Variants in TRARG1 observed in about 807,000 individuals in gnomAD.
TRARG1 encodes trafficking regulator of GLUT4 1.
A neutral mutation model predicts 13.3 loss-of-function variants in TRARG1; 16 were observed. That is an observed-to-expected ratio of 1.20 (90% CI 0.81 to 1.83). TRARG1 has a LOEUF of 1.83. TRARG1 is among the 40% of genes most tolerant of loss of function. The pLI, the probability that TRARG1 is intolerant of heterozygous loss-of-function variation, is 0.00. For synonymous variants in TRARG1, 113 were observed against 106.2 expected (o/e 1.06, Z -0.39); for missense variants, 250 against 237.4 (o/e 1.05, Z -0.35).
At chr17:1,291,803 A>G (rs2072071306) in intron 1 of TRARG1, among the ~76,000 whole-genome samples, 1 of 152,176 alleles carries the variant, frequency 6.6e-6, no homozygotes. Context: ...ATTTGGACAT[A>G]TGGTGCTTTG....
At chr17:1,286,176 G>A (rs1360389155) in intron 1 of TRARG1, among the ~76,000 whole-genome samples, 3 of 152,236 alleles carry the variant, frequency 2.0e-5, no homozygotes, top group Non-Finnish European at 4.4e-5. Flanking sequence ...AGAGGGAAGG[G>A]GCTGGCTCAC....
At position 1,296,771 on chromosome 17, in the gene TRARG1, A is replaced by AT. The variant is rs576675294; in HGVS notation, c.520+1148_520+1149insT. Among the ~76,000 whole-genome samples, 35 of 151,670 alleles carry AT rather than the reference A, an allele frequency of 2.3e-4. 2 individuals carry two copies. In the East Asian group the frequency reaches 6.8e-3, roughly 30 times the overall value. Reference sequence around the variant, plus strand: ...GGTGATCCTCCCGCCTCAGCCTCCCAAAGTGCTGGGATTACAGGCGCCTGC... The same window carrying AT: ...GGTGATCCTCCCGCCTCAGCCTCCCATAAGTGCTGGGATTACAGGCGCCTGC... On this transcript the variant is annotated intron_variant, in intron 2 of 2. Coordinates refer to ENST00000333813, the MANE Select transcript of TRARG1 (RefSeq NM_172367.3).
At position 1,280,642 on chromosome 17, in the gene TRARG1, G is replaced by A. The variant is rs564118853; in HGVS notation, c.387+254G>A. On this transcript the variant is annotated intron_variant, in intron 1 of 2. Transcript: ENST00000333813. ...GCTCGACTTTGCACCTGTGTCTGCT[G>A]GGGAGGGGCCCTCAGGGAGCTGCCT... 2.0e-5 allele frequency among the ~76,000 whole-genome samples: 3 copies of A among 152,300 alleles called. No homozygotes were observed. The South Asian group carries it at 6.2e-4, about 32-fold the overall frequency.
At chr17:1,282,228 A>ATATGTACGTG (rs1567928195) in intron 1 of TRARG1, among the ~76,000 whole-genome samples, 4 of 140,884 alleles carry the variant, frequency 2.8e-5, no homozygotes, top group East Asian at 2.1e-4. Flanking sequence ...ACACGTGCGT[A>ATATGTACGTG]TATGTACGTA....
Position 1,298,511 on chromosome 17 carries a change from C to A in TRARG1, c.*247C>A. The A allele has an allele frequency of 2.2e-6, 1 of 450,558 alleles. No individual in the cohort carries two copies. Among genetic ancestry groups the A allele is most frequent in the South Asian group, 5.3e-5 (1 of 18,808 alleles). The allele number at this position is 450,558 out of a possible 1,614,324, so 27.9% of individuals were successfully genotyped here. A position where few individuals can be genotyped will look rare whatever the true frequency, so the allele number is the denominator to read the frequency against. On this transcript the variant is annotated 3_prime_UTR_variant, in exon 3 of 3. Coordinates refer to ENST00000333813, the MANE Select transcript of TRARG1 (RefSeq NM_172367.3). Reference sequence around the variant, plus strand: ...CGTGGTTTACTCTCCCGGACGCGTCCTGGGATCTCAACCCCAGCAGTCTGG... The same window carrying A: ...CGTGGTTTACTCTCCCGGACGCGTCATGGGATCTCAACCCCAGCAGTCTGG...
intron 1 of TRARG1, among the ~76,000 whole-genome samples, chr17:1,282,999 G>T (rs555328459): frequency 6.6e-6 from 1 of 152,080 alleles, no homozygotes; most frequent in Non-Finnish European, 1.5e-5. Flanking sequence ...CCCCTTTTAC[G>T]TTTTTGAGTC....
chr17:1,281,984 ATG>A (rs149686556), intron 1 of TRARG1, among the ~76,000 whole-genome samples: 14,364 of 151,772 alleles, frequency 0.095, 731 homozygotes, highest in East Asian at 0.19. Context: ...GTGTACATAT[ATG>A]TACATATATA....
At chr17:1,290,038 C>A (rs1295363626) in intron 1 of TRARG1, among the ~76,000 whole-genome samples, 1 of 152,156 alleles carries the variant, frequency 6.6e-6, no homozygotes, top group Non-Finnish European at 1.5e-5. Flanking sequence ...TCCTGTTCCT[C>A]CCCCATACTC....
At chr17:1,283,983 T>C (rs1277959410) in intron 1 of TRARG1, among the ~76,000 whole-genome samples, 1 of 150,516 alleles carries the variant, frequency 6.6e-6, no homozygotes, top group Non-Finnish European at 1.5e-5. Flanking sequence ...ATGGTGGCAG[T>C]GGGCGCCTGT....
Position 1,298,426 on chromosome 17 carries a change from C to A in TRARG1, c.*162C>A. ...AAACCCCCCAGTCACCCACTGTCAG[C>A]CCCCATCTGACAAGAAAGCCTGGAG... is the stretch of plus-strand genomic sequence containing the variant. On this transcript the variant is annotated 3_prime_UTR_variant, in exon 3 of 3. Transcript: ENST00000333813. 1 of 704,300 alleles carries A rather than the reference C, an allele frequency of 1.4e-6. No individual in the cohort carries two copies. Among genetic ancestry groups the A allele is most frequent in the Non-Finnish European group, 2.3e-6 (1 of 435,300 alleles). 43.6% of individuals were successfully genotyped at this position (704,300 alleles called of 1,614,324 possible). A position where few individuals can be genotyped will look rare whatever the true frequency, so the allele number is the denominator to read the frequency against.
In TRARG1 at chr17:1,279,807, C is replaced by A. The variant is rs965768023; in HGVS notation, c.-195C>A. The A allele has an allele frequency of 2.8e-5, 16 of 576,272 alleles. No individual in the cohort carries two copies. The highest frequency in any genetic ancestry group is 4.4e-5 in the Non-Finnish European group (15 of 343,930). The allele number at this position is 576,272 out of a possible 1,614,324, so 35.7% of individuals were successfully genotyped here. On this transcript the variant is annotated 5_prime_UTR_variant, in exon 1 of 3. Coordinates refer to ENST00000333813, the MANE Select transcript of TRARG1 (RefSeq NM_172367.3). ...AGCTCCGCGGGGGCAGCAGGCAGGC[C>A]CCAGCCTCTGAACTCAGCTGGCTTG... is the stretch of plus-strand genomic sequence containing the variant.
chr17:1,286,588 C>T (rs35316021), intron 1 of TRARG1, among the ~76,000 whole-genome samples: 15,771 of 89,466 alleles, frequency 0.18, 1,581 homozygotes, highest in African/African-American at 0.32. Flanking sequence ...GGGGTGTTAT[C>T]GGCCTGTGGG....
intron 1 of TRARG1, among the ~76,000 whole-genome samples, chr17:1,286,152 C>T (rs1047848557): frequency 6.6e-6 from 1 of 152,208 alleles, no homozygotes; most frequent in Non-Finnish European, 1.5e-5. Flanking sequence ...GGGCAGAGGC[C>T]GATGGAACTG....
rs370410748 is a variant in TRARG1, at chr17:1,295,543, G to A, written c.440G>A (p.Arg147His). 27 of 1,612,754 alleles carry A rather than the reference G, an allele frequency of 1.7e-5. No individual in the cohort carries two copies. Among genetic ancestry groups the A allele is most frequent in the South Asian group, 2.2e-5 (2 of 91,020 alleles). Residue 147 changes from arginine (R) to histidine (H), a missense_variant, in exon 2 of 3, where the codon CGC (arginine) becomes CAC (histidine). By Grantham distance (29) the Arg-to-His change is conservative. Coordinates refer to ENST00000333813, the MANE Select transcript of TRARG1 (RefSeq NM_172367.3). ...GNVDGARRLG[R>H]LARLLSITLI... ...GTGGACGGCGCCCGGAGGCTGGGCC[G>A]CCTGGCTCGGCTGCTCAGCATTACC...
At position 1,295,604 on chromosome 17, in the gene TRARG1, C is replaced by G; in HGVS notation, c.501C>G (p.Ala167=). The G allele has an allele frequency of 6.2e-7, 1 of 1,612,328 alleles. No homozygotes were observed. ...IIMGIVIIMV[A]VTVNFTVQKK ...TGGGCATCGTCATTATCATGGTGGC[C>G]GTGACCGTCAACTTCACAGGTGAGA... Residue 167 remains alanine (A), a synonymous_variant, in exon 2 of 3, where the codon GCC becomes GCG. Coordinates refer to ENST00000333813, the MANE Select transcript of TRARG1 (RefSeq NM_172367.3).
rs202202381 is a variant in TRARG1 at position 1,282,199 on chromosome 17, C to T, written c.387+1811C>T. 1.5e-3 allele frequency among the ~76,000 whole-genome samples: 209 copies of T among 144,090 alleles called. 10 individuals carry two copies. The East Asian group carries it at 0.015, about 10-fold the overall frequency. The allele number at this position is 144,090 out of a possible 152,430, so 94.5% of individuals were successfully genotyped here. A position where few individuals can be genotyped will look rare whatever the true frequency, so the allele number is the denominator to read the frequency against. Reference sequence around the variant, plus strand: ...ACACGTGCGTATATGTACGTGTACACGTGCGTATATGTACGTATACACGTG... The same window carrying T: ...ACACGTGCGTATATGTACGTGTACATGTGCGTATATGTACGTATACACGTG... On this transcript the variant is annotated intron_variant, in intron 1 of 2. Coordinates refer to ENST00000333813, the MANE Select transcript of TRARG1 (RefSeq NM_172367.3).
intron 1 of TRARG1, among the ~76,000 whole-genome samples, chr17:1,282,194 G>A (rs36186182): frequency 0.64 from 80,130 of 125,296 alleles, 27,138 homozygotes; most frequent in East Asian, 0.84. Context: ...ATATGTACGT[G>A]TACACGTGCG....
intron 1 of TRARG1, among the ~76,000 whole-genome samples, chr17:1,282,085 T>C (rs2071980398): frequency 6.6e-6 from 1 of 150,892 alleles, no homozygotes; most frequent in African/African-American, 2.4e-5. Flanking sequence ...TACATATATG[T>C]ACATATATAC....
rs1567928320 is a variant in TRARG1, at chr17:1,282,280, A to ATGTACATATGCGTATATG, written c.387+1901_387+1902insGCGTATATGTGTACATAT. Among the ~76,000 whole-genome samples, 521 of 147,284 alleles carry ATGTACATATGCGTATATG rather than the reference A, an allele frequency of 3.5e-3. 15 individuals carry two copies. The highest frequency in any genetic ancestry group is 0.013 in the African/African-American group (487 of 37,426). On this transcript the variant is annotated intron_variant, in intron 1 of 2. Coordinates refer to ENST00000333813, the MANE Select transcript of TRARG1 (RefSeq NM_172367.3). The stretch of plus-strand genomic sequence containing the variant: ...CGTATATGTACATATATGCACGTAT[A>ATGTACATATGCGTATATG]TGTACATATATGTACGTATATGTAC...
Sources: gnomAD v4.1 joint callset for allele counts (sites outside exome capture counted in the v4.1 genomes callset) on GRCh38, gnomAD v4.1.1 for gene constraint, MANE v1.5 for transcripts, NCBI Gene and HGNC (gene_info 2026-07-23, HGNC 2026-07-21) for gene names.